The following NID1 variants were observed in gnomAD, a reference collection of about 807,000 sequenced individuals.
NID1 encodes the protein nidogen-1.
A neutral mutation model predicts 130.6 loss-of-function variants in NID1; 76 were observed. The ratio of observed to expected loss-of-function variants is 0.58; its 90% CI spans 0.48 to 0.70. NID1 has a LOEUF of 0.70. NID1 is among the 30% of genes least tolerant of loss of function. The probability of loss-of-function intolerance (pLI) is 0.00; values close to 1 mark genes in which losing one functional copy is unlikely to be tolerated. For missense variants in NID1, 1,517 were observed against 1,664.8 expected (o/e 0.91, Z 1.54); for synonymous variants, 665 against 675.1 (o/e 0.98, Z 0.23).
Position 235,991,921 on chromosome 1 carries a change from TG to T in NID1, c.2756-864del, listed in dbSNP as rs1657752160. ...CTGACAAGCAAGAACATGACGTTTA[TG>T]GGCTTCCAAGAACAAAATCATGGCC... On this transcript the variant is annotated intron_variant, in intron 13 of 19. Coordinates refer to ENST00000264187, the MANE Select transcript of NID1 (RefSeq NM_002508.3). Among the ~76,000 whole-genome samples, 3 of 152,218 alleles carry T rather than the reference TG, an allele frequency of 2.0e-5. No homozygotes were observed. The South Asian group carries it at 6.2e-4, about 31-fold the overall frequency.
chr1:236,000,994 G>A (rs930622697), intron 12 of NID1, among the ~76,000 whole-genome samples: 4 of 152,088 alleles, frequency 2.6e-5, no homozygotes, highest in African/African-American at 9.7e-5. Flanking sequence ...CACTACAGAG[G>A]CAGCTACTCC....
In NID1 at chr1:235,977,685, A is replaced by T; in HGVS notation, c.*182T>A. 1.6e-6 allele frequency: 1 copy of T among 616,618 alleles called. No homozygotes were observed. 38.2% of individuals were successfully genotyped at this position (616,618 alleles called of 1,614,324 possible). A position where few individuals can be genotyped will look rare whatever the true frequency, so the allele number is the denominator to read the frequency against. On this transcript the variant is annotated 3_prime_UTR_variant, in exon 20 of 20. Transcript: ENST00000264187. ...CTTGTGTAGGGGTGGAGACTTTTCT[A>T]TTAGAGAAGTCCAGGGTGCATGTTT...
At position 236,017,162 on chromosome 1, in the gene NID1, T is replaced by C; in HGVS notation, c.2240A>G (p.Glu747Gly). ...ECVEGYQFSD[E>G]GTCVAVVDQR... ...GGAGAACTTACCCACACACGTTCCC[T>C]CATCTGAAAACTGGTAGCCCTCCAC... Residue 747 changes from glutamate to glycine, a missense_variant, in exon 10 of 20, where the codon GAG becomes GGG. Glu to Gly is a moderately conservative substitution (Grantham distance 98). Transcript: ENST00000264187. The C allele has an allele frequency of 6.2e-7, 1 of 1,614,170 alleles. No individual in the cohort carries two copies. The highest frequency in any genetic ancestry group is 8.5e-7 in the Non-Finnish European group (1 of 1,180,004).
Position 236,064,842 on chromosome 1 carries a change from G to A in NID1, c.225+13C>T, listed in dbSNP as rs776839173. On this transcript the variant is annotated intron_variant, in intron 1 of 19. Coordinates refer to ENST00000264187, the MANE Select transcript of NID1 (RefSeq NM_002508.3). The stretch of plus-strand genomic sequence containing the variant: ...CCTGCAGCCCCTCGCCCGCCCTCCC[G>A]GGGCTCACTCACGTAGACTGCGTCG... The A allele has an allele frequency of 2.5e-6, 4 of 1,602,882 alleles. No homozygotes were observed. Among genetic ancestry groups the A allele is most frequent in the Admixed American group, 1.7e-5 (1 of 59,136 alleles).
intron 14 of NID1, among the ~76,000 whole-genome samples, chr1:235,990,153 G>C (rs1319619420): frequency 1.3e-5 from 2 of 152,168 alleles, no homozygotes; most frequent in African/African-American, 4.8e-5. Context: ...GCTGTGTGTG[G>C]CATCTATGAA....
chr1:235,993,724 GC>G lies in NID1; in HGVS notation c.2675del (p.Ser892ThrfsTer24). The G allele has an allele frequency of 1.2e-6, 2 of 1,611,388 alleles. No individual in the cohort carries two copies. The highest frequency in any genetic ancestry group is 1.7e-6 in the Non-Finnish European group (2 of 1,178,442). ...GATCCACGCACCAGCAGTAGCCGGTGCTGCCGTGGCACTGGGTGGGCGCGTA... is the reference window on the plus strand; with the variant it reads ...GATCCACGCACCAGCAGTAGCCGGTGTGCCGTGGCACTGGGTGGGCGCGTA... ...GHYAPTQCHG[S>X]TGYCWCVDRD... is the part of the protein sequence containing the mutation. On this transcript the variant is annotated frameshift_variant, in exon 13 of 20. Coordinates refer to ENST00000264187, the MANE Select transcript of NID1 (RefSeq NM_002508.3). LOFTEE classifies it high-confidence loss of function.
chr1:235,978,894 T>A lies in NID1; in HGVS notation c.3622+101A>T. 3 of 761,684 alleles carry A rather than the reference T, an allele frequency of 3.9e-6. No individual in the cohort carries two copies. The South Asian group carries it at 4.6e-5, about 12-fold the overall frequency. 47.2% of individuals were successfully genotyped at this position (761,684 alleles called of 1,614,324 possible). ...AAAGGACTGGATCTCTCTTACGGCA[T>A]AATCAAGGCTACTAGTGGCCATACG... On this transcript the variant is annotated intron_variant, in intron 19 of 19. Transcript: ENST00000264187.
At chr1:235,982,864 CT>C (rs750137792) in intron 15 of NID1, among the ~76,000 whole-genome samples, 19 of 151,994 alleles carry the variant, frequency 1.3e-4, no homozygotes, top group Non-Finnish European at 2.6e-4. Context: ...CATTCCAATA[CT>C]GTGGGTTTTT....
intron 15 of NID1, among the ~76,000 whole-genome samples, chr1:235,982,517 A>G (rs928925479): frequency 1.4e-4 from 21 of 152,170 alleles, no homozygotes; most frequent in African/African-American, 4.8e-4. Context: ...ATACAAGTAT[A>G]AGGGGTACAA....
Position 236,057,337 on chromosome 1 carries a change from C to G in NID1, c.225+7518G>C, listed in dbSNP as rs112856662. Reference sequence around the variant, plus strand: ...GTAAAAGGCTAGAGGAGAAATGTGCCAGAAAAAAATTTTAGATTGCTTTTA... The same window carrying G: ...GTAAAAGGCTAGAGGAGAAATGTGCGAGAAAAAAATTTTAGATTGCTTTTA... On this transcript the variant is annotated intron_variant, in intron 1 of 19. Transcript: ENST00000264187. Among the ~76,000 whole-genome samples the G allele has an allele frequency of 4.8e-3, 725 of 152,212 alleles. 6 individuals are homozygous for G. Among genetic ancestry groups the G allele is most frequent in the Middle Eastern group, 0.017 (5 of 294 alleles).
intron 5 of NID1, among the ~76,000 whole-genome samples, chr1:236,035,649 A>G (rs1215059775): frequency 6.6e-6 from 1 of 152,110 alleles, no homozygotes; most frequent in East Asian, 1.9e-4. Flanking sequence ...ATCCTCTCTC[A>G]GTGAATGTTG....
At chr1:236,050,115 A>T (rs1266717785) in intron 1 of NID1, among the ~76,000 whole-genome samples, 1 of 152,156 alleles carries the variant, frequency 6.6e-6, no homozygotes, top group Non-Finnish European at 1.5e-5. Context: ...AAATTCATCA[A>T]TGTGTCCAAA....
intron 15 of NID1, among the ~76,000 whole-genome samples, chr1:235,982,327 G>C (rs1201629114): frequency 6.6e-6 from 1 of 152,176 alleles, no homozygotes; most frequent in East Asian, 1.9e-4. Flanking sequence ...ATGAGGGTGG[G>C]GGAGTGGTCA....
chr1:236,057,819 A>G (rs1441090822), intron 1 of NID1, among the ~76,000 whole-genome samples: 1 of 152,222 alleles, frequency 6.6e-6, no homozygotes, highest in Non-Finnish European at 1.5e-5. Context: ...CTTCTTGATA[A>G]TTCTCAGCTC....
At chr1:236,053,382 C>T (rs1040409709) in intron 1 of NID1, among the ~76,000 whole-genome samples, 1 of 152,126 alleles carries the variant, frequency 6.6e-6, no homozygotes, top group African/African-American at 2.4e-5. Flanking sequence ...ATCCAAGAAC[C>T]TATCCACAAT....
chr1:236,053,252 TG>T (rs1212885829), intron 1 of NID1, among the ~76,000 whole-genome samples: 3 of 152,226 alleles, frequency 2.0e-5, no homozygotes, highest in Non-Finnish European at 4.4e-5. Flanking sequence ...TTGGGCTTCA[TG>T]GGAAGTTTGG....
intron 12 of NID1, among the ~76,000 whole-genome samples, chr1:236,005,844 A>G (rs1377525783): frequency 6.6e-6 from 1 of 152,254 alleles, no homozygotes; most frequent in Non-Finnish European, 1.5e-5. Flanking sequence ...TAATAATATC[A>G]TCATAAATGT....
At chr1:236,039,385 C>G (rs1265433337) in intron 4 of NID1, among the ~76,000 whole-genome samples, 2 of 151,576 alleles carry the variant, frequency 1.3e-5, no homozygotes, top group East Asian at 3.9e-4. Context: ...GGCTTATATT[C>G]TTTTTAATTT....
intron 1 of NID1, among the ~76,000 whole-genome samples, chr1:236,049,633 T>C (rs1190407290): frequency 6.6e-6 from 1 of 152,216 alleles, no homozygotes; most frequent in Non-Finnish European, 1.5e-5. Flanking sequence ...CATTATGGTA[T>C]CACTAATTAT....
Sources: gnomAD v4.1 joint callset for allele counts (sites outside exome capture counted in the v4.1 genomes callset) on GRCh38, gnomAD v4.1.1 for gene constraint, MANE v1.5 for transcripts, NCBI Gene and HGNC (gene_info 2026-07-23, HGNC 2026-07-21) for gene names.